WBP1L: variants seen among roughly 807,000 people sequenced by gnomAD.
WBP1L encodes the protein WW domain binding protein 1 like.
WBP1L carries 17 observed loss-of-function variants against 33.7 expected under a neutral mutation model. That is an observed-to-expected ratio of 0.50 (90% CI 0.34 to 0.76). The LOEUF (loss-of-function observed/expected upper bound fraction) is 0.76. WBP1L is among the 30% of genes least tolerant of loss of function. The pLI, the probability that WBP1L is intolerant of heterozygous loss-of-function variation, is 0.01. For missense variants in WBP1L, 389 were observed against 469.4 expected, an observed-to-expected ratio of 0.83 and a Z score of 1.58; for synonymous variants, 173 against 190.8, an observed-to-expected ratio of 0.91 and a Z score of 0.77.
chr10:102,744,114 C>G lies in WBP1L; in HGVS notation c.61C>G (p.Pro21Ala). The G allele has an allele frequency of 6.4e-7, 1 of 1,552,742 alleles. No individual in the cohort carries two copies. Among genetic ancestry groups the G allele is most frequent in the Non-Finnish European group, 8.7e-7 (1 of 1,148,056 alleles). Residue 21 changes from proline (P) to alanine (A), a missense_variant, in exon 1 of 4, where the codon CCC (proline) becomes GCC (alanine). Transcript: ENST00000448841. ...CCTGCTCCTCCAGGCGCTGCCCAGC[C>G]CCTTGTCAGCCAGGGCTGAACCCCC... is the stretch of plus-strand genomic sequence containing the variant. The part of the protein sequence containing the change: ...ALLLLQALPS[P>A]LSARAEPPQD...
At chr10:102,770,289 C>T (rs901693922) in intron 1 of WBP1L, among the ~76,000 whole-genome samples, 5 of 151,552 alleles carry the variant, frequency 3.3e-5, no homozygotes, top group African/African-American at 4.9e-5. Flanking sequence ...TAAATGGGTG[C>T]GTGCCCAAAC....
At chr10:102,810,669 C>T (rs181022896) in intron 3 of WBP1L, among the ~76,000 whole-genome samples, 1,771 of 143,704 alleles carry the variant, frequency 0.012, 44 homozygotes, top group African/African-American at 0.043. Flanking sequence ...CAGGTTCAAG[C>T]GATTCTCCCG....
intron 3 of WBP1L, among the ~76,000 whole-genome samples, chr10:102,812,081 G>A (rs1843849937): frequency 6.6e-6 from 1 of 152,170 alleles, no homozygotes; most frequent in Non-Finnish European, 1.5e-5. Context: ...AGCCACAGTA[G>A]AGACAACAGA....
At chr10:102,766,494 C>T (rs749080213) in intron 1 of WBP1L, among the ~76,000 whole-genome samples, 4 of 143,078 alleles carry the variant, frequency 2.8e-5, no homozygotes, top group African/African-American at 7.8e-5. Context: ...TTGTAGTAAA[C>T]GCCTGTAGTC....
Position 102,797,981 on chromosome 10 carries a change from T to G in WBP1L, c.91-12T>G. On this transcript the variant is annotated splice_polypyrimidine_tract_variant and intron_variant, in intron 1 of 3. Coordinates refer to ENST00000448841, the MANE Select transcript of WBP1L (RefSeq NM_001083913.2). ...TCATTTAATATGCTAACATGCTTTT[T>G]TAATTTTTTAGGATAAGGAAGCCTG... 6.2e-7 allele frequency: 1 copy of G among 1,612,320 alleles called. No homozygotes were observed. Among genetic ancestry groups the G allele is most frequent in the Non-Finnish European group, 8.5e-7 (1 of 1,179,144 alleles).
intron 1 of WBP1L, among the ~76,000 whole-genome samples, chr10:102,759,481 A>G (rs913220083): frequency 1.3e-5 from 2 of 152,198 alleles, no homozygotes; most frequent in African/African-American, 2.4e-5. Flanking sequence ...ATACTGAAAT[A>G]GTTTGTGCCT....
At chr10:102,789,727 A>C (rs1052527281) in intron 1 of WBP1L, among the ~76,000 whole-genome samples, 3 of 147,848 alleles carry the variant, frequency 2.0e-5, no homozygotes, top group Admixed American at 6.7e-5. Flanking sequence ...TGGGCTTCTT[A>C]TTATCTGGAA....
At chr10:102,765,555 T>C (rs1843095522) in intron 1 of WBP1L, among the ~76,000 whole-genome samples, 1 of 152,142 alleles carries the variant, frequency 6.6e-6, no homozygotes, top group Non-Finnish European at 1.5e-5. Context: ...TTTAGTCACG[T>C]CTTTATCTCT....
At chr10:102,794,877 A>G (rs1168834049) in intron 1 of WBP1L, among the ~76,000 whole-genome samples, 2 of 152,166 alleles carry the variant, frequency 1.3e-5, no homozygotes, top group Admixed American at 6.5e-5. Context: ...ATATCTCACT[A>G]TCTCCTGAAT....
chr10:102,768,710 C>CA (rs1022091669), intron 1 of WBP1L, among the ~76,000 whole-genome samples: 9 of 121,472 alleles, frequency 7.4e-5, no homozygotes, highest in African/African-American at 2.9e-4. Flanking sequence ...TTTTTTGAGA[C>CA]AGAGTCTCGC....
At chr10:102,746,118 T>G in intron 1 of WBP1L, 1 of 985,222 alleles carries the variant, frequency 1.0e-6, no homozygotes, top group Non-Finnish European at 1.2e-6. Flanking sequence ...ATCCACTTTT[T>G]CAGCAACGGG....
intron 1 of WBP1L, among the ~76,000 whole-genome samples, chr10:102,757,883 C>CA (rs1156850934): frequency 1.6e-5 from 1 of 61,130 alleles, no homozygotes; most frequent in Non-Finnish European, 3.1e-5. Flanking sequence ...CCCTCCCCCC[C>CA]CCCCTTTTTT....
intron 1 of WBP1L, among the ~76,000 whole-genome samples, chr10:102,750,562 G>A (rs773738738): frequency 6.7e-6 from 1 of 150,272 alleles, no homozygotes; most frequent in Non-Finnish European, 1.5e-5. Flanking sequence ...GTCTTGCTCC[G>A]TCGCCCAGGT....
intron 1 of WBP1L, among the ~76,000 whole-genome samples, chr10:102,746,701 A>G (rs1842867252): frequency 6.6e-6 from 1 of 152,104 alleles, no homozygotes; most frequent in Non-Finnish European, 1.5e-5. Flanking sequence ...TTAAGTACCC[A>G]TGGTCCTTAA....
Position 102,743,949 on chromosome 10 carries a change from T to G in WBP1L, c.-105T>G. On this transcript the variant is annotated 5_prime_UTR_variant, in exon 1 of 4. Transcript: ENST00000448841. ...CAGAGCCGGAAGCGGGAGGGGAGCG[T>G]CAAACAGGAAAAGAAGGGAAGAAGG... is the stretch of plus-strand genomic sequence containing the variant. 1 of 907,936 alleles carries G rather than the reference T, an allele frequency of 1.1e-6. No homozygotes were observed. Among genetic ancestry groups the G allele is most frequent in the East Asian group, 2.8e-5 (1 of 35,936 alleles). 56.2% of individuals were successfully genotyped at this position (907,936 alleles called of 1,614,324 possible). A position where few individuals can be genotyped will look rare whatever the true frequency, so the allele number is the denominator to read the frequency against.
intron 1 of WBP1L, among the ~76,000 whole-genome samples, chr10:102,792,095 C>G (rs921359889): frequency 1.3e-5 from 2 of 152,178 alleles, no homozygotes; most frequent in African/African-American, 4.8e-5. Context: ...TTTATCCTTT[C>G]CAGTGTAAAA....
intron 2 of WBP1L, 111 bp downstream of exon 2, chr10:102,798,206 G>T: frequency 1.2e-6 from 1 of 863,182 alleles, no homozygotes; most frequent in East Asian, 2.6e-5. Flanking sequence ...GGACAGTGTT[G>T]GTGAGTGGAA....
intron 2 of WBP1L, among the ~76,000 whole-genome samples, chr10:102,799,199 G>A (rs185231444): frequency 3.9e-5 from 6 of 152,224 alleles, no homozygotes; most frequent in Admixed American, 3.3e-4. Flanking sequence ...GGTGGTGTGT[G>A]CCTGCAGTCC....
Position 102,784,139 on chromosome 10 carries a change from G to T in WBP1L, c.91-13854G>T, listed in dbSNP as rs148263277. ...ATCTGAAAAGTCGGATGGAACTGAC[G>T]TTTCATCCCTTACTCAAATAACCGG... On this transcript the variant is annotated intron_variant, in intron 1 of 3. Coordinates refer to ENST00000448841, the MANE Select transcript of WBP1L (RefSeq NM_001083913.2). Among the ~76,000 whole-genome samples, 700 of 152,140 alleles carry T rather than the reference G, an allele frequency of 4.6e-3. 3 individuals are homozygous for T. Among genetic ancestry groups the T allele is most frequent in the African/African-American group, 0.016 (661 of 41,482 alleles).
Sources: gnomAD v4.1 joint callset for allele counts (sites outside exome capture counted in the v4.1 genomes callset) on GRCh38, gnomAD v4.1.1 for gene constraint, MANE v1.5 for transcripts, NCBI Gene and HGNC (gene_info 2026-07-23, HGNC 2026-07-21) for gene names.